CPNE5: variants seen among roughly 807,000 people sequenced by gnomAD.
The protein encoded by CPNE5 is copine-5.
In CPNE5, 42 loss-of-function variants were observed where a neutral mutation model predicts 81.1. The observed-to-expected ratio is 0.52, with a 90% CI of 0.40 to 0.67. The LOEUF (loss-of-function observed/expected upper bound fraction) is 0.67, where lower values mean the gene tolerates loss of function less well. Ranked by LOEUF, CPNE5 falls within the 30% of genes least tolerant of loss-of-function variation. The probability of loss-of-function intolerance (pLI) is 0.00; values close to 1 mark genes in which losing one functional copy is unlikely to be tolerated. For synonymous variants in CPNE5, 313 were observed against 321.5 expected, an observed-to-expected ratio of 0.97 and a Z score of 0.28; for missense variants, 612 against 815.5, an observed-to-expected ratio of 0.75 and a Z score of 3.04.
At chr6:36,743,036 T>A (rs1763711627) in intron 20 of CPNE5, 1 of 985,276 alleles carries the variant, frequency 1.0e-6, no homozygotes, top group East Asian at 1.1e-4. Context: ...ACCTCCCAGG[T>A]TGTCTTGCTC....
intron 3 of CPNE5, among the ~76,000 whole-genome samples, chr6:36,820,636 A>T (rs1561819308): frequency 6.6e-6 from 1 of 152,082 alleles, no homozygotes. Flanking sequence ...GAGCTGACAC[A>T]TGACAAACAA....
At chr6:36,769,048 C>T (rs376906840) in intron 10 of CPNE5, among the ~76,000 whole-genome samples, 1 of 152,206 alleles carries the variant, frequency 6.6e-6, no homozygotes, top group East Asian at 1.9e-4. Flanking sequence ...ATCCAAGCTC[C>T]TGTCTCTCAA....
At position 36,747,260 on chromosome 6, in the gene CPNE5, C is replaced by A. The variant is rs561733761; in HGVS notation, c.1019-683G>T. ...TTCTTCCTGGCTTGATTTCCCCCCC[C>A]AGAGCCCTCTTCGCTGCCAATATAG... On this transcript the variant is annotated intron_variant, in intron 15 of 20. Coordinates refer to ENST00000244751, the MANE Select transcript of CPNE5 (RefSeq NM_020939.2). 2.4e-4 allele frequency among the ~76,000 whole-genome samples: 37 copies of A among 152,178 alleles called. No individual in the cohort carries two copies. The South Asian group carries it at 7.5e-3, about 31-fold the overall frequency.
rs1157250827 is a variant in CPNE5 at position 36,834,254 on chromosome 6, C to CAAAAAAAAAAAA, written c.95+5017_95+5028dup. ...AGCTTGGGCAACAGAGACTGTATCTCAAAAAAAAAAAAAAAAAAAAAAAAG... is the reference window on the plus strand; with the variant it reads ...AGCTTGGGCAACAGAGACTGTATCTCAAAAAAAAAAAAAAAAAAAAAAAAAAAAAAAAAAAAG... On this transcript the variant is annotated intron_variant, in intron 1 of 20. Coordinates refer to ENST00000244751, the MANE Select transcript of CPNE5 (RefSeq NM_020939.2). Among the ~76,000 whole-genome samples the CAAAAAAAAAAAA allele has an allele frequency of 1.6e-3, 34 of 21,676 alleles. 2 individuals are homozygous for CAAAAAAAAAAAA. The highest frequency in any genetic ancestry group is 3.6e-3 in the African/African-American group (8 of 2,198). 14.2% of individuals were successfully genotyped at this position (21,676 alleles called of 152,430 possible).
At chr6:36,759,575 A>T (rs1375390144) in intron 12 of CPNE5, among the ~76,000 whole-genome samples, 2 of 151,940 alleles carry the variant, frequency 1.3e-5, no homozygotes, top group Non-Finnish European at 2.9e-5. Flanking sequence ...TGAGGGGTTG[A>T]ATAGTGTCAC....
At chr6:36,790,866 T>A (rs1561789539) in intron 8 of CPNE5, among the ~76,000 whole-genome samples, 1 of 152,260 alleles carries the variant, frequency 6.6e-6, no homozygotes, top group Non-Finnish European at 1.5e-5. Flanking sequence ...GTTATTTATG[T>A]TGACCCATAA....
At chr6:36,818,895 T>A (rs1771797771) in intron 3 of CPNE5, among the ~76,000 whole-genome samples, 1 of 152,212 alleles carries the variant, frequency 6.6e-6, no homozygotes, top group South Asian at 2.1e-4. Context: ...CTTCCACACT[T>A]TCCTTCATGA....
intron 10 of CPNE5, 81 bp from the exon 11 acceptor site, chr6:36,765,457 G>A: frequency 6.4e-7 from 1 of 1,551,532 alleles, no homozygotes. Flanking sequence ...CATGTTCCCG[G>A]ACCAGATAGG....
chr6:36,777,339 G>T (rs1001415791), intron 9 of CPNE5, among the ~76,000 whole-genome samples: 1 of 151,944 alleles, frequency 6.6e-6, no homozygotes, highest in African/African-American at 2.4e-5. Flanking sequence ...CGGTCACGAG[G>T]CTCTCCCTTT....
At chr6:36,791,818 G>A (rs764128477) in intron 8 of CPNE5, among the ~76,000 whole-genome samples, 2 of 152,284 alleles carry the variant, frequency 1.3e-5, no homozygotes, top group East Asian at 1.9e-4. Context: ...GCTGCTGACT[G>A]TGGGTGAGCT....
chr6:36,762,352 A>G (rs2032510), intron 12 of CPNE5, among the ~76,000 whole-genome samples: 112,311 of 150,156 alleles, frequency 0.75, 41,842 homozygotes, highest in East Asian at 0.81. Flanking sequence ...ACATGCTCAC[A>G]CACACACACA....
rs577642993 is a variant in CPNE5 at position 36,769,713 on chromosome 6, G to A, written c.738-4337C>T. 5.3e-5 allele frequency among the ~76,000 whole-genome samples: 8 copies of A among 152,194 alleles called. No individual in the cohort carries two copies. The South Asian group carries it at 8.3e-4, about 16-fold the overall frequency. On this transcript the variant is annotated intron_variant, in intron 10 of 20. Coordinates refer to ENST00000244751, the MANE Select transcript of CPNE5 (RefSeq NM_020939.2). The stretch of plus-strand genomic sequence containing the variant: ...GCACTGCGCAACACCGGGCAGTGCC[G>A]CGGTGACCGTGCCTCCCGTCTGAGC...
intron 16 of CPNE5, 66 bp from the exon 17 acceptor site, chr6:36,745,581 A>C: frequency 6.6e-7 from 1 of 1,517,648 alleles, no homozygotes; most frequent in African/African-American, 1.4e-5. Flanking sequence ...ATGTGTGGGA[A>C]CTGAGTCCAG....
At chr6:36,831,423 A>G (rs1453991285) in intron 1 of CPNE5, among the ~76,000 whole-genome samples, 3 of 151,826 alleles carry the variant, frequency 2.0e-5, no homozygotes, top group African/African-American at 7.3e-5. Flanking sequence ...GTACAATATC[A>G]GCTCACTGCA....
intron 14 of CPNE5, among the ~76,000 whole-genome samples, chr6:36,750,589 G>C (rs934431349): frequency 1.3e-5 from 2 of 152,282 alleles, no homozygotes; most frequent in South Asian, 2.1e-4. Context: ...GACCTTTATT[G>C]GTATGAAGGC....
In CPNE5 at chr6:36,746,881, C is replaced by T. The variant is rs80017742; in HGVS notation, c.1019-304G>A. On this transcript the variant is annotated intron_variant, in intron 15 of 20. Transcript: ENST00000244751. This position sits in a 1 kb window ranked among gnomAD's most constrained non-coding sequence, Gnocchi z 4.5. ...CAGCACAGCAGTGACTGAGCCTATC[C>T]GCCTCAGAGAGATCATGCCTCTCCT... Among the ~76,000 whole-genome samples the T allele has an allele frequency of 0.026, 3,889 of 152,070 alleles. 77 individuals carry two copies. Among genetic ancestry groups the T allele is most frequent in the Middle Eastern group, 0.048 (14 of 294 alleles).
intron 8 of CPNE5, among the ~76,000 whole-genome samples, chr6:36,781,924 T>C (rs558784458): frequency 1.6e-4 from 25 of 151,976 alleles, no homozygotes; most frequent in Non-Finnish European, 3.2e-4. Flanking sequence ...GCAGCGGGGA[T>C]GGCCCCAGCA....
intron 3 of CPNE5, among the ~76,000 whole-genome samples, chr6:36,818,615 A>G (rs907565445): frequency 3.3e-5 from 5 of 152,200 alleles, no homozygotes; most frequent in African/African-American, 9.7e-5. Flanking sequence ...CCTATAAGGT[A>G]GGATTTACCC....
chr6:36,830,703 C>T (rs975887513), intron 1 of CPNE5, among the ~76,000 whole-genome samples: 2 of 152,214 alleles, frequency 1.3e-5, no homozygotes, highest in South Asian at 2.1e-4. Flanking sequence ...CACATGGCGA[C>T]ATGTGGCCCT....
Sources: gnomAD v4.1 joint callset for allele counts (sites outside exome capture counted in the v4.1 genomes callset) on GRCh38, gnomAD v4.1.1 for gene constraint, Gnocchi (gnomAD v3.1) non-coding constraint, MANE v1.5 for transcripts, NCBI Gene and HGNC (gene_info 2026-07-23, HGNC 2026-07-21) for gene names.